The following RNASEH2B variants were observed in gnomAD, a reference collection of about 807,000 sequenced individuals.
RNASEH2B encodes Aicardi-Goutieres syndrome 2 protein.
Under a neutral mutation model 45.0 loss-of-function variants are expected in RNASEH2B, and 36 were observed. That is an observed-to-expected ratio of 0.80 (90% CI 0.61 to 1.06). The LOEUF is 1.06. Ranked by LOEUF, RNASEH2B falls within the 50% of genes least tolerant of loss-of-function variation. RNASEH2B has a pLI of 0.00. For missense variants in RNASEH2B, 361 were observed against 360.3 expected (o/e 1.00, Z -0.02); for synonymous variants, 119 against 125.7 (o/e 0.95, Z 0.35).
Position 50,934,992 on chromosome 13 carries a change from G to C in RNASEH2B, c.429G>C (p.Glu143Asp), listed in dbSNP as rs754434417. ...AGAAGTTACTTCATCATGTGACAGA[G>C]GAAAAAGGTATGGTATAACTTAAAG... ...GLEKLLHHVT[E>D]EKGNPEIDNK... Residue 143 changes from glutamate (E) to aspartate (D), a missense_variant, in exon 5 of 11, where the codon GAG becomes GAC. Glu to Asp is a conservative substitution (Grantham distance 45, BLOSUM62 2). Coordinates refer to ENST00000336617, the MANE Select transcript of RNASEH2B (RefSeq NM_024570.4). 18 of 1,606,468 alleles carry C rather than the reference G, an allele frequency of 1.1e-5. No homozygotes were observed. Among genetic ancestry groups the C allele is most frequent in the Non-Finnish European group, 1.4e-5 (17 of 1,173,276 alleles).
intron 1 of RNASEH2B, chr13:50,913,213 T>C (rs1879530759): frequency 6.6e-6 from 1 of 152,246 alleles, no homozygotes; most frequent in African/African-American, 2.4e-5. Flanking sequence ...GCAGTTTTAA[T>C]TTCTATAAGA....
intron 1 of RNASEH2B, among the ~76,000 whole-genome samples, chr13:50,918,224 G>A (rs1036860716): frequency 6.6e-6 from 1 of 152,038 alleles, no homozygotes; most frequent in African/African-American, 2.4e-5. Context: ...TGCAAGCTCC[G>A]CCTCCCAGGT....
intron 9 of RNASEH2B, chr13:50,952,922 G>A (rs1206888703): frequency 1.3e-5 from 2 of 152,002 alleles, no homozygotes; most frequent in Non-Finnish European, 1.5e-5. Flanking sequence ...TTGGGTTATG[G>A]GATAAAACAC....
At chr13:50,948,248 G>C in intron 8 of RNASEH2B, 180 bp downstream of exon 8, 5 of 928,940 alleles carry the variant, frequency 5.4e-6, no homozygotes, top group Non-Finnish European at 7.7e-6. Flanking sequence ...GAACTGATTT[G>C]ATGGATACGG....
intron 9 of RNASEH2B, among the ~76,000 whole-genome samples, chr13:50,969,050 A>T (rs182915227): frequency 4.3e-4 from 65 of 152,372 alleles, no homozygotes; most frequent in African/African-American, 1.5e-3. Flanking sequence ...TTCCTTTAAG[A>T]GCATGTACTG....
chr13:50,965,434 G>A (rs548131270), intron 9 of RNASEH2B, among the ~76,000 whole-genome samples: 2 of 152,320 alleles, frequency 1.3e-5, no homozygotes, highest in African/African-American at 4.8e-5. Context: ...ACACATGACT[G>A]TACATACACA....
intron 4 of RNASEH2B, among the ~76,000 whole-genome samples, chr13:50,933,022 C>T (rs143824467): frequency 5.3e-5 from 8 of 152,254 alleles, no homozygotes; most frequent in Non-Finnish European, 7.3e-5. Flanking sequence ...GCCGGTATAA[C>T]GAGGGCACAC....
chr13:50,928,832 CCA>C (rs1356626694), intron 2 of RNASEH2B, among the ~76,000 whole-genome samples: 1 of 151,634 alleles, frequency 6.6e-6, no homozygotes, highest in Non-Finnish European at 1.5e-5. Context: ...ATCCTTGTCT[CCA>C]GAGATTGTGC....
chr13:50,945,531 A>AGG lies in RNASEH2B; in HGVS notation c.616_616+1dup. 6.2e-7 allele frequency: 1 copy of AGG among 1,601,226 alleles called. No individual in the cohort carries two copies. Among genetic ancestry groups the AGG allele is most frequent in the South Asian group, 1.1e-5 (1 of 90,798 alleles). On this transcript the variant is annotated frameshift_variant and splice_region_variant, in exon 7 of 11. Coordinates refer to ENST00000336617, the MANE Select transcript of RNASEH2B (RefSeq NM_024570.4). LOFTEE classifies it high-confidence loss of function. ...GTGACCAAGCTTCCACTGACAAGGAAGGTAAGTAAAGCATTTTATCAGAAA... is the reference window on the plus strand; with the variant it reads ...GTGACCAAGCTTCCACTGACAAGGAAGGGGTAAGTAAAGCATTTTATCAGAAA...
At chr13:50,961,014 A>G (rs925014273), downstream of RNASEH2B, among the ~76,000 whole-genome samples, 2 of 152,032 alleles carry the variant, frequency 1.3e-5, no homozygotes, top group Non-Finnish European at 2.9e-5. Context: ...TCTTATTCTA[A>G]TATTTCTTTT....
intron 7 of RNASEH2B, among the ~76,000 whole-genome samples, chr13:50,947,414 TG>T (rs1279365672): frequency 1.3e-5 from 2 of 151,634 alleles, no homozygotes; most frequent in Non-Finnish European, 2.9e-5. Flanking sequence ...TGTGTGTGTG[TG>T]TGTGTGTGTA....
exon 10 of RNASEH2B, chr13:50,969,992 G>A (rs921436800): frequency 3.2e-6 from 5 of 1,550,514 alleles, no homozygotes; most frequent in South Asian, 1.2e-5. Context: ...AAGGCTTGGC[G>A]GTTTTCCCTG....
chr13:50,925,719 G>A (rs1951586447), intron 1 of RNASEH2B, among the ~76,000 whole-genome samples: 1 of 152,132 alleles, frequency 6.6e-6, no homozygotes, highest in Non-Finnish European at 1.5e-5. Context: ...GTTTTCTCCT[G>A]GCTTTTGGGT....
chr13:50,929,616 A>C, intron 3 of RNASEH2B, 34 bp downstream of exon 3: 1 of 1,298,184 alleles, frequency 7.7e-7, no homozygotes, highest in Non-Finnish European at 1.1e-6. Flanking sequence ...CCAATAACTA[A>C]ACACATACTC....
downstream of RNASEH2B, chr13:50,956,770 G>A (rs1004318302): frequency 5.5e-6 from 6 of 1,089,116 alleles, no homozygotes; most frequent in African/African-American, 6.6e-5. Flanking sequence ...ATGTTAGAGT[G>A]TATGACTGCT....
At chr13:50,924,622 A>G (rs1034296860) in intron 1 of RNASEH2B, among the ~76,000 whole-genome samples, 1 of 152,194 alleles carries the variant, frequency 6.6e-6, no homozygotes, top group Non-Finnish European at 1.5e-5. Flanking sequence ...ACAGTGGTGC[A>G]GTCACAGCTC....
At chr13:50,969,624 C>T (rs1310431990) in intron 9 of RNASEH2B, among the ~76,000 whole-genome samples, 2 of 151,902 alleles carry the variant, frequency 1.3e-5, no homozygotes, top group African/African-American at 4.8e-5. Flanking sequence ...AGATGGTGCC[C>T]ATCCTGTAAG....
At position 50,924,517 on chromosome 13, in the gene RNASEH2B, C is replaced by G. The variant is rs566586815; in HGVS notation, c.65-2890C>G. Among the ~76,000 whole-genome samples the G allele has an allele frequency of 1.3e-4, 20 of 152,154 alleles. No homozygotes were observed. In the East Asian group the frequency reaches 3.7e-3, roughly 28 times the overall value. On this transcript the variant is annotated intron_variant, in intron 1 of 10. Transcript: ENST00000336617. The stretch of plus-strand genomic sequence containing the variant: ...TGACAGAGCCCCAAATTACATGAAC[C>G]AAAAACTGACAGAACTGAAGGGAGA...
chr13:50,968,730 A>G (rs1220869281), intron 9 of RNASEH2B, among the ~76,000 whole-genome samples: 2 of 152,236 alleles, frequency 1.3e-5, no homozygotes, highest in South Asian at 2.1e-4. Flanking sequence ...GCAAGCCAGA[A>G]TTTAAGTAAA....
Sources: allele counts gnomAD v4.1 joint callset (sites outside exome capture counted in the v4.1 genomes callset), GRCh38; gene constraint gnomAD v4.1.1; transcripts MANE v1.5; gene names NCBI Gene and HGNC (gene_info 2026-07-23, HGNC 2026-07-21).